WIPF1: variants seen among roughly 807,000 people sequenced by gnomAD.
The protein encoded by WIPF1 is WAS/WASL interacting protein family member 1.
Under a neutral mutation model 35.4 loss-of-function variants are expected in WIPF1, and 13 were observed. The observed-to-expected ratio is 0.37, with a 90% CI of 0.24 to 0.58. The LOEUF (loss-of-function observed/expected upper bound fraction) is 0.58, where lower values mean the gene tolerates loss of function less well. Ranked by LOEUF, WIPF1 falls within the 20% of genes least tolerant of loss-of-function variation. The probability of loss-of-function intolerance (pLI) is 0.74; values close to 1 mark genes in which losing one functional copy is unlikely to be tolerated. For missense variants in WIPF1, 591 were observed against 667.0 expected, an observed-to-expected ratio of 0.89 and a Z score of 1.25; for synonymous variants, 267 against 266.3, an observed-to-expected ratio of 1.00 and a Z score of -0.02.
At chr2:174,595,313 GAAAAGA>G (rs1014024618) in intron 1 of WIPF1, among the ~76,000 whole-genome samples, 20 of 131,078 alleles carry the variant, frequency 1.5e-4, no homozygotes, top group Non-Finnish European at 2.1e-4. Context: ...AAAAAAAACA[GAAAAGA>G]AAAAGAAAAA....
At chr2:174,679,756 G>C (rs972832993) in intron 1 of WIPF1, among the ~76,000 whole-genome samples, 4 of 152,194 alleles carry the variant, frequency 2.6e-5, no homozygotes, top group African/African-American at 9.6e-5. Context: ...TACACCTAGA[G>C]TTTTCATTAC....
intron 1 of WIPF1, among the ~76,000 whole-genome samples, chr2:174,682,556 G>C (rs1226232104): frequency 6.6e-6 from 1 of 151,968 alleles, no homozygotes; most frequent in Non-Finnish European, 1.5e-5. Flanking sequence ...AGCAGAACGC[G>C]CGGGCCGCTG....
intron 1 of WIPF1, among the ~76,000 whole-genome samples, chr2:174,639,461 C>T (rs1457566231): frequency 1.3e-5 from 2 of 152,132 alleles, no homozygotes; most frequent in Non-Finnish European, 2.9e-5. Flanking sequence ...ACTTTGTCAC[C>T]TAGGGTGGTC....
chr2:174,636,345 T>A (rs1212827697), intron 1 of WIPF1, among the ~76,000 whole-genome samples: 1 of 152,228 alleles, frequency 6.6e-6, no homozygotes, highest in Admixed American at 6.5e-5. Context: ...CCATGATTTT[T>A]TTTTTCTGGT....
chr2:174,682,487 G>C (rs943060995), intron 1 of WIPF1, among the ~76,000 whole-genome samples: 16 of 152,242 alleles, frequency 1.1e-4, no homozygotes, highest in African/African-American at 3.6e-4. Flanking sequence ...GGTGAGCTCA[G>C]CCCGAGGCGC....
At chr2:174,603,805 G>A (rs1481797454) in intron 1 of WIPF1, among the ~76,000 whole-genome samples, 1 of 152,174 alleles carries the variant, frequency 6.6e-6, no homozygotes, top group Non-Finnish European at 1.5e-5. Context: ...ATTAGATAGA[G>A]TGGGGAGGGA....
chr2:174,642,797 G>T (rs1484288174), intron 1 of WIPF1, among the ~76,000 whole-genome samples: 2 of 149,042 alleles, frequency 1.3e-5, no homozygotes, highest in East Asian at 3.8e-4. Flanking sequence ...TTATAGGTGT[G>T]AGCCACTGCA....
Position 174,648,091 on chromosome 2 carries a change from C to T in WIPF1, c.-39+34683G>A, listed in dbSNP as rs569480284. Among the ~76,000 whole-genome samples, 7 of 152,082 alleles carry T rather than the reference C, an allele frequency of 4.6e-5. No homozygotes were observed. The East Asian group carries it at 1.3e-3, about 29-fold the overall frequency. On this transcript the variant is annotated intron_variant, in intron 1 of 8. Transcript: ENST00000272746. ...GTTATGATTCAGATTTTGAAATGGC[C>T]GCAGACAGGCTGACTTACATGATTC... is the stretch of plus-strand genomic sequence containing the variant.
intron 3 of WIPF1, among the ~76,000 whole-genome samples, chr2:174,576,595 T>C (rs1436009142): frequency 6.6e-6 from 1 of 152,238 alleles, no homozygotes; most frequent in Non-Finnish European, 1.5e-5. Context: ...TTGTTTTATT[T>C]TGAATTTATC....
At chr2:174,655,933 A>G (rs1455359974) in intron 1 of WIPF1, 1 of 152,232 alleles carries the variant, frequency 6.6e-6, no homozygotes, top group Non-Finnish European at 1.5e-5. Flanking sequence ...CCTCCAGTGA[A>G]CCATGTCTTC....
chr2:174,670,699 G>C (rs1046104911), intron 1 of WIPF1, among the ~76,000 whole-genome samples: 1 of 152,226 alleles, frequency 6.6e-6, no homozygotes, highest in Non-Finnish European at 1.5e-5. Flanking sequence ...CCTTAGACCA[G>C]GACTAAGAAT....
intron 4 of WIPF1, among the ~76,000 whole-genome samples, chr2:174,574,310 T>A (rs1275292273): frequency 3.3e-5 from 5 of 152,232 alleles, no homozygotes; most frequent in Non-Finnish European, 7.3e-5. Flanking sequence ...TAAATAAATT[T>A]AAATTCAAAT....
chr2:174,673,627 T>C (rs1352014645), intron 1 of WIPF1: 3 of 152,426 alleles, frequency 2.0e-5, no homozygotes, highest in East Asian at 3.9e-4. Context: ...TGTGGCGTTC[T>C]TCCCAGCATG....
rs545277225 is a variant in WIPF1 at position 174,637,700 on chromosome 2, C to T, written c.-39+45074G>A. ...TACTTGGGAGGCTGAGGCAGGAGAACGGTGTGAACCCGGGAGGCGGAGCTT... is the reference window on the plus strand; with the variant it reads ...TACTTGGGAGGCTGAGGCAGGAGAATGGTGTGAACCCGGGAGGCGGAGCTT... On this transcript the variant is annotated intron_variant, in intron 1 of 8. Coordinates refer to the WIPF1 transcript ENST00000272746. Among the ~76,000 whole-genome samples, 10 of 152,202 alleles carry T rather than the reference C, an allele frequency of 6.6e-5. No homozygotes were observed. The South Asian group carries it at 1.0e-3, about 16-fold the overall frequency.
At chr2:174,601,736 T>C (rs908342944), upstream of WIPF1, among the ~76,000 whole-genome samples, 10 of 152,226 alleles carry the variant, frequency 6.6e-5, no homozygotes, top group African/African-American at 1.9e-4. Context: ...AAAAGAACTT[T>C]AAGGCTGCAG....
intron 1 of WIPF1, among the ~76,000 whole-genome samples, chr2:174,657,641 C>G (rs1215039153): frequency 6.6e-6 from 1 of 152,126 alleles, no homozygotes; most frequent in Non-Finnish European, 1.5e-5. Context: ...GCCTGTAATC[C>G]TGGCACTTTG....
chr2:174,660,176 G>A (rs1687727729), intron 1 of WIPF1, among the ~76,000 whole-genome samples: 1 of 152,136 alleles, frequency 6.6e-6, no homozygotes, highest in African/African-American at 2.4e-5. Flanking sequence ...TGGCTATCAG[G>A]ATTAGAACAC....
At chr2:174,591,955 G>T (rs1220295165) in intron 1 of WIPF1, among the ~76,000 whole-genome samples, 1 of 152,192 alleles carries the variant, frequency 6.6e-6, no homozygotes, top group East Asian at 1.9e-4. Context: ...CAGTACAGGG[G>T]ACACATTCTC....
At chr2:174,660,599 A>T (rs1276520856) in intron 1 of WIPF1, among the ~76,000 whole-genome samples, 4 of 151,862 alleles carry the variant, frequency 2.6e-5, no homozygotes, top group Non-Finnish European at 5.9e-5. Context: ...GTCTCGGGGG[A>T]AACAGTTCCA....
Sources: gnomAD v4.1 joint callset for allele counts (sites outside exome capture counted in the v4.1 genomes callset) on GRCh38, gnomAD v4.1.1 for gene constraint, MANE v1.5 for transcripts, NCBI Gene and HGNC (gene_info 2026-07-23, HGNC 2026-07-21) for gene names.